The following LDAH variants were observed in gnomAD, a reference collection of about 807,000 sequenced individuals.
LDAH encodes the protein lipid droplet associated hydrolase.
In LDAH, 26 loss-of-function variants were observed where a neutral mutation model predicts 29.6. That is an observed-to-expected ratio of 0.88 (90% CI 0.64 to 1.22). The LOEUF (loss-of-function observed/expected upper bound fraction) is 1.22. Ranked by LOEUF, LDAH falls within the 50% of genes most tolerant of loss-of-function variation. The pLI, the probability that LDAH is intolerant of heterozygous loss-of-function variation, is 0.00. For missense variants in LDAH, 344 were observed against 387.3 expected (o/e 0.89, Z 0.94); for synonymous variants, 117 against 133.0 (o/e 0.88, Z 0.83).
intron 6 of LDAH, among the ~76,000 whole-genome samples, chr2:20,692,096 A>T (rs1256174467): frequency 6.6e-6 from 1 of 152,194 alleles, no homozygotes; most frequent in Non-Finnish European, 1.5e-5. Flanking sequence ...TCCACCAAAA[A>T]TGACTCTGAT....
At chr2:20,738,277 TAATAATAATAA>T (rs1245294871) in intron 5 of LDAH, among the ~76,000 whole-genome samples, 3 of 148,192 alleles carry the variant, frequency 2.0e-5, no homozygotes, top group African/African-American at 5.0e-5. Context: ...ATAATAATAA[TAATAATAATAA>T]TATATAGATT....
intron 5 of LDAH, among the ~76,000 whole-genome samples, chr2:20,729,032 G>A (rs1439098242): frequency 1.3e-5 from 2 of 152,198 alleles, no homozygotes; most frequent in African/African-American, 2.4e-5. Flanking sequence ...ATATATCAGG[G>A]TTGTGTGAGA....
chr2:20,703,276 T>G (rs987973352), intron 5 of LDAH, among the ~76,000 whole-genome samples: 1 of 152,262 alleles, frequency 6.6e-6, no homozygotes, highest in Non-Finnish European at 1.5e-5. Flanking sequence ...ATTTCCCATT[T>G]CTAGACCCGT....
chr2:20,794,445 A>C (rs1225036760), intron 2 of LDAH, among the ~76,000 whole-genome samples: 1 of 152,152 alleles, frequency 6.6e-6, no homozygotes, highest in Non-Finnish European at 1.5e-5. Flanking sequence ...CAAAAAGAAA[A>C]AGAAAAAACT....
chr2:20,811,084 C>G (rs1672455578), intron 1 of LDAH, among the ~76,000 whole-genome samples: 1 of 150,824 alleles, frequency 6.6e-6, no homozygotes, highest in African/African-American at 2.4e-5. Flanking sequence ...GTGGCGCGAT[C>G]TCGGCTCACT....
chr2:20,735,845 A>C (rs1666735153), intron 5 of LDAH, among the ~76,000 whole-genome samples: 3 of 152,098 alleles, frequency 2.0e-5, no homozygotes, highest in Admixed American at 1.3e-4. Context: ...ACTCTGTACT[A>C]GGCTTCCACT....
At chr2:20,689,018 G>A (rs1662799534) in intron 6 of LDAH, among the ~76,000 whole-genome samples, 2 of 151,550 alleles carry the variant, frequency 1.3e-5, no homozygotes, top group South Asian at 4.2e-4. Context: ...GCCCCGGTGT[G>A]TGATGTTCCC....
At chr2:20,722,580 C>G (rs112977025) in intron 5 of LDAH, among the ~76,000 whole-genome samples, 156 of 151,888 alleles carry the variant, frequency 1.0e-3, no homozygotes, top group African/African-American at 3.7e-3. Flanking sequence ...TTCAAAATAG[C>G]TAGAAGAGAA....
In LDAH at chr2:20,685,625, C is replaced by T. The variant is rs1440428834; in HGVS notation, c.*1278G>A. ...TTGAGCGGAGGGACATCTCATTGTC[C>T]TTAGGGAATGATAATGCCATGAGGG... On this transcript the variant is annotated 3_prime_UTR_variant, in exon 7 of 7. Transcript: ENST00000237822. 12 of 1,550,196 alleles carry T rather than the reference C, an allele frequency of 7.7e-6. No homozygotes were observed. The highest frequency in any genetic ancestry group is 4.1e-5 in the African/African-American group (3 of 73,024).
intron 1 of LDAH, among the ~76,000 whole-genome samples, chr2:20,808,499 T>G (rs1322576012): frequency 6.6e-6 from 1 of 151,712 alleles, no homozygotes; most frequent in Admixed American, 6.6e-5. Context: ...CCATCTCCAC[T>G]AAGAATACAA....
At chr2:20,762,061 C>G (rs1326166845) in intron 4 of LDAH, among the ~76,000 whole-genome samples, 1 of 151,770 alleles carries the variant, frequency 6.6e-6, no homozygotes, top group Non-Finnish European at 1.5e-5. Context: ...CACACATTCT[C>G]TATGTATTCT....
chr2:20,748,997 A>C (rs909323473), intron 4 of LDAH, among the ~76,000 whole-genome samples: 4 of 152,040 alleles, frequency 2.6e-5, no homozygotes, highest in Non-Finnish European at 5.9e-5. Flanking sequence ...CATGACTGGG[A>C]GGGGGAGCCA....
chr2:20,797,115 A>G (rs1027126347), intron 2 of LDAH, among the ~76,000 whole-genome samples: 4 of 152,208 alleles, frequency 2.6e-5, no homozygotes. Context: ...GGAAAAGTAC[A>G]TGTATTTTTA....
rs115467187 is a variant in LDAH, at chr2:20,817,712, C to A, written c.-3+5325G>T. On this transcript the variant is annotated intron_variant, in intron 1 of 6. Transcript: ENST00000237822. ...GTATGTTCACTCAAAAATCTTCAGA[C>A]AAAAGTTCATAGAAGCTCTATTTAT... 3.9e-3 allele frequency among the ~76,000 whole-genome samples: 587 copies of A among 152,194 alleles called. 4 individuals carry two copies. Among genetic ancestry groups the A allele is most frequent in the African/African-American group, 0.014 (563 of 41,542 alleles).
chr2:20,790,390 C>T lies in LDAH; in HGVS notation c.163G>A (p.Gly55Ser). 1 of 1,612,652 alleles carries T rather than the reference C, an allele frequency of 6.2e-7. No homozygotes were observed. The highest frequency in any genetic ancestry group is 8.5e-7 in the Non-Finnish European group (1 of 1,179,622). The change falls in exon 3 of 7, where the codon GGT (glycine) becomes AGT (serine). Residue 55 changes from glycine to serine, a missense_variant. Coordinates refer to ENST00000237822, the MANE Select transcript of LDAH (RefSeq NM_021925.4). Reference sequence around the variant, plus strand: ...AATGGCACATAAAAGGCAGAAAAACCTGGGTTACCTAAGAAAAGAAACACA... The same window carrying T: ...AATGGCACATAAAAGGCAGAAAAACTTGGGTTACCTAAGAAAAGAAACACA... ...LLIFIIPGNPGFSAFYVPFAK... is the reference protein window; with the variant it reads ...LLIFIIPGNPSFSAFYVPFAK...
chr2:20,791,155 C>T (rs1396518988), intron 2 of LDAH, among the ~76,000 whole-genome samples: 1 of 152,186 alleles, frequency 6.6e-6, no homozygotes, highest in Non-Finnish European at 1.5e-5. Context: ...TCGAATTTCA[C>T]TGATTTCTAC....
intron 1 of LDAH, among the ~76,000 whole-genome samples, chr2:20,821,208 C>T (rs1287585327): frequency 1.2e-4 from 18 of 152,268 alleles, no homozygotes; most frequent in African/African-American, 3.9e-4. Flanking sequence ...GTCAGTGTGG[C>T]GATTCCTCAG....
At chr2:20,720,276 A>C (rs1445444353) in intron 5 of LDAH, among the ~76,000 whole-genome samples, 1 of 152,186 alleles carries the variant, frequency 6.6e-6, no homozygotes, top group Non-Finnish European at 1.5e-5. Context: ...CAGGATACAA[A>C]ATCAACATAC....
rs575544667 is a variant in LDAH at position 20,822,618 on chromosome 2, A to C, written c.-3+419T>G. Among the ~76,000 whole-genome samples, 59 of 152,356 alleles carry C rather than the reference A, an allele frequency of 3.9e-4. 1 individual carries two copies. The South Asian group carries it at 0.012, about 31-fold the overall frequency. On this transcript the variant is annotated intron_variant, in intron 1 of 6. Coordinates refer to ENST00000237822, the MANE Select transcript of LDAH (RefSeq NM_021925.4). Reference sequence around the variant, plus strand: ...ATGAGGGTTTACGGTTAAGGTCTTCAGCGTGAATAAAAGGCGGCGTGAGCA... The same window carrying C: ...ATGAGGGTTTACGGTTAAGGTCTTCCGCGTGAATAAAAGGCGGCGTGAGCA...
Sources: gnomAD v4.1 joint callset for allele counts (sites outside exome capture counted in the v4.1 genomes callset) on GRCh38, gnomAD v4.1.1 for gene constraint, MANE v1.5 for transcripts, NCBI Gene and HGNC (gene_info 2026-07-23, HGNC 2026-07-21) for gene names.